Variants in DNAH3 observed in about 807,000 individuals in gnomAD.
The protein encoded by DNAH3 is axonemal beta dynein heavy chain 3.
A neutral mutation model predicts 432.5 loss-of-function variants in DNAH3; 332 were observed. That is an observed-to-expected ratio of 0.77 (90% CI 0.70 to 0.84). DNAH3 has a LOEUF of 0.84. Among genes scored for constraint, DNAH3 ranks in the 40% least tolerant of loss-of-function variants. The pLI is 0.00. For missense variants in DNAH3, 4,861 were observed against 5,114.0 expected (o/e 0.95, Z 1.51); for synonymous variants, 1,956 against 1,900.2 (o/e 1.03, Z -0.76).
chr16:21,104,321 G>A, intron 16 of DNAH3, 150 bp downstream of exon 16: 2 of 692,446 alleles, frequency 2.9e-6, no homozygotes, highest in Admixed American at 4.4e-5. Flanking sequence ...GGAAACCAAA[G>A]GAAATGCCTT....
chr16:21,148,472 C>T (rs1432141972), intron 1 of DNAH3, among the ~76,000 whole-genome samples: 2 of 150,472 alleles, frequency 1.3e-5, no homozygotes, highest in East Asian at 3.9e-4. Flanking sequence ...AGTTTTCGCT[C>T]TGTCGCCCAG....
rs534095356 is a variant in DNAH3 at position 21,111,633 on chromosome 16, T to C, written c.2092A>G (p.Asn698Asp). 3.0e-4 allele frequency: 478 copies of C among 1,611,908 alleles called. 9 individuals carry two copies. The South Asian group carries it at 4.9e-3, about 17-fold the overall frequency. Residue 698 changes from asparagine to aspartate, a missense_variant, in exon 14 of 62, where the codon AAT becomes GAT. Coordinates refer to ENST00000261383, the Ensembl canonical transcript of DNAH3. ...TGCACAGAATTACAATACCTGGTAT[T>C]GGTGTCTCGGTTTACATCCACTTGG...
At chr16:20,981,824 G>A (rs1012688499) in intron 49 of DNAH3, among the ~76,000 whole-genome samples, 3 of 151,710 alleles carry the variant, frequency 2.0e-5, no homozygotes, top group Admixed American at 6.6e-5. Context: ...AGGTAGACAA[G>A]GTTGACTGAT....
chr16:21,024,754 G>T, intron 38 of DNAH3, 53 bp from the exon 39 acceptor site: 1 of 1,382,764 alleles, frequency 7.2e-7, no homozygotes, highest in Non-Finnish European at 1.0e-6. Context: ...TACTAATACG[G>T]GTTAACATTT....
intron 43 of DNAH3, among the ~76,000 whole-genome samples, chr16:20,999,768 A>G (rs548390042): frequency 6.6e-6 from 1 of 152,350 alleles, no homozygotes; most frequent in South Asian, 2.1e-4. Context: ...AGTCCTGGGA[A>G]AATTCACTGT....
intron 8 of DNAH3, among the ~76,000 whole-genome samples, chr16:21,126,858 C>T (rs941969203): frequency 1.3e-5 from 2 of 151,868 alleles, no homozygotes; most frequent in Admixed American, 1.3e-4. Flanking sequence ...GTTGCACACT[C>T]CTTAGGAGAA....
intron 16 of DNAH3, among the ~76,000 whole-genome samples, chr16:21,102,500 A>G (rs979215745): frequency 6.6e-6 from 1 of 152,156 alleles, no homozygotes; most frequent in African/African-American, 2.4e-5. Context: ...GCTGTTTACC[A>G]CCTAAGCACA....
chr16:21,083,968 T>C (rs562395148), intron 19 of DNAH3, among the ~76,000 whole-genome samples: 1 of 152,314 alleles, frequency 6.6e-6, no homozygotes, highest in South Asian at 2.1e-4. Context: ...GTCCTAGGGC[T>C]GTGCTCCCCG....
At chr16:21,158,924 CCGGGA>C (rs1397129976) in intron 1 of DNAH3, among the ~76,000 whole-genome samples, 13 of 152,032 alleles carry the variant, frequency 8.6e-5, no homozygotes, top group Non-Finnish European at 1.9e-4. Flanking sequence ...TTATGAGTCG[CCGGGA>C]CGGGGCTGGG....
At chr16:21,139,319 G>GTTTTTT (rs2092686839) in intron 5 of DNAH3, among the ~76,000 whole-genome samples, 8 of 32,772 alleles carry the variant, frequency 2.4e-4, no homozygotes, top group African/African-American at 7.4e-4. Flanking sequence ...CTTTCCTCAT[G>GTTTTTT]CTTTTTTTTT....
intron 49 of DNAH3, among the ~76,000 whole-genome samples, chr16:20,979,890 C>A (rs2085776961): frequency 6.6e-6 from 1 of 152,164 alleles, no homozygotes; most frequent in South Asian, 2.1e-4. Context: ...GCTGGGATTA[C>A]AGGCATGTGC....
exon 50 of DNAH3, chr16:20,979,541 A>G: frequency 6.2e-7 from 1 of 1,614,064 alleles, no homozygotes. Flanking sequence ...GCACATGGAC[A>G]CGACCCTGCC....
At position 21,123,451 on chromosome 16, in the gene DNAH3, G is replaced by A. The variant is rs1001451377; in HGVS notation, c.1405-1327C>T. Among the ~76,000 whole-genome samples, 7 of 152,252 alleles carry A rather than the reference G, an allele frequency of 4.6e-5. No homozygotes were observed. In the South Asian group the frequency reaches 1.2e-3, roughly 27 times the overall value. ...AAGATTTTACATTTCCCTTTGTGTGGAATTTTAGAGTGAGATTGGCTTCCA... is the reference window on the plus strand; with the variant it reads ...AAGATTTTACATTTCCCTTTGTGTGAAATTTTAGAGTGAGATTGGCTTCCA... On this transcript the variant is annotated intron_variant, in intron 9 of 61. Transcript: ENST00000261383.
intron 56 of DNAH3, among the ~76,000 whole-genome samples, chr16:20,949,856 TTTATGACCGG>T (rs2084233164): frequency 6.6e-6 from 1 of 152,152 alleles, no homozygotes; most frequent in African/African-American, 2.4e-5. Context: ...AGCTGGCTGG[TTTATGACCGG>T]CAGGCAGTTG....
intron 24 of DNAH3, among the ~76,000 whole-genome samples, chr16:21,064,079 A>T (rs915533518): frequency 6.6e-6 from 1 of 152,188 alleles, no homozygotes; most frequent in African/African-American, 2.4e-5. Context: ...CTGTTTTCAC[A>T]TTTCTCAAAC....
chr16:21,152,195 G>T (rs989174165), intron 1 of DNAH3, among the ~76,000 whole-genome samples: 2 of 151,900 alleles, frequency 1.3e-5, no homozygotes, highest in African/African-American at 4.8e-5. Flanking sequence ...TCATGCCACT[G>T]CACCCCAGCC....
intron 7 of DNAH3, among the ~76,000 whole-genome samples, chr16:21,129,712 G>A (rs568083463): frequency 9.1e-4 from 139 of 152,056 alleles, no homozygotes; most frequent in African/African-American, 3.2e-3. Context: ...ACTCCAGCCT[G>A]GGCAACAGAG....
At chr16:20,978,492 G>C (rs1192553681) in intron 50 of DNAH3, among the ~76,000 whole-genome samples, 1 of 152,196 alleles carries the variant, frequency 6.6e-6, no homozygotes, top group Non-Finnish European at 1.5e-5. Flanking sequence ...TTGCGCCACT[G>C]AGTTCCAGCC....
intron 50 of DNAH3, among the ~76,000 whole-genome samples, chr16:20,979,060 A>G (rs1424811436): frequency 6.6e-6 from 1 of 152,154 alleles, no homozygotes. Flanking sequence ...TCATTAAAAA[A>G]AAAGTACTCA....
Sources: gnomAD v4.1 joint callset for allele counts (sites outside exome capture counted in the v4.1 genomes callset) on GRCh38, gnomAD v4.1.1 for gene constraint, MANE v1.5 for transcripts, NCBI Gene and HGNC (gene_info 2026-07-23, HGNC 2026-07-21) for gene names.